ASIC2: variants seen among roughly 807,000 people sequenced by gnomAD.
ASIC2 encodes the protein acid-sensing ion channel 2.
Under a neutral mutation model 57.3 loss-of-function variants are expected in ASIC2, and 25 were observed. That is an observed-to-expected ratio of 0.44 (90% CI 0.32 to 0.61). The LOEUF (loss-of-function observed/expected upper bound fraction) is 0.61. Ranked by LOEUF, ASIC2 falls within the 20% of genes least tolerant of loss-of-function variation. ASIC2 has a pLI of 0.06. For missense variants in ASIC2, 641 were observed against 738.1 expected (o/e 0.87, Z 1.52); for synonymous variants, 319 against 307.5 (o/e 1.04, Z -0.39).
intron 1 of ASIC2, among the ~76,000 whole-genome samples, chr17:34,093,330 T>C (rs1348482068): frequency 6.6e-6 from 1 of 152,194 alleles, no homozygotes; most frequent in Non-Finnish European, 1.5e-5. Context: ...CTTGTTTCCC[T>C]GAACTGGTTT....
At chr17:33,675,440 G>A (rs1206573807) in intron 1 of ASIC2, among the ~76,000 whole-genome samples, 10 of 152,224 alleles carry the variant, frequency 6.6e-5, no homozygotes, top group Non-Finnish European at 1.5e-4. Context: ...AAGGAATCAT[G>A]AGCTTAAGCA....
chr17:33,658,304 C>T (rs1907139670), intron 1 of ASIC2, among the ~76,000 whole-genome samples: 1 of 152,222 alleles, frequency 6.6e-6, no homozygotes, highest in Non-Finnish European at 1.5e-5. Context: ...GCATAGGAAT[C>T]CAAATTCCTT....
At chr17:33,527,159 T>A (rs1367233061) in intron 1 of ASIC2, among the ~76,000 whole-genome samples, 1 of 152,184 alleles carries the variant, frequency 6.6e-6, no homozygotes, top group Non-Finnish European at 1.5e-5. Context: ...GGAGAAATAC[T>A]GTTCTTCTTC....
intron 1 of ASIC2, among the ~76,000 whole-genome samples, chr17:33,602,767 A>G (rs1323241410): frequency 6.6e-6 from 1 of 152,132 alleles, no homozygotes; most frequent in Non-Finnish European, 1.5e-5. Flanking sequence ...TGGTCCTTAT[A>G]CCTGGGTGTG....
chr17:33,325,055 C>T (rs1202899156), intron 1 of ASIC2, among the ~76,000 whole-genome samples: 1 of 152,212 alleles, frequency 6.6e-6, no homozygotes, highest in Non-Finnish European at 1.5e-5. Context: ...GCCTGACATG[C>T]TTTCCATCAT....
At chr17:33,305,902 C>T (rs1369472170) in intron 1 of ASIC2, among the ~76,000 whole-genome samples, 1 of 152,122 alleles carries the variant, frequency 6.6e-6, no homozygotes, top group Non-Finnish European at 1.5e-5. Context: ...CAGCAATCAC[C>T]ATAGATAAAA....
chr17:33,799,408 TTTC>T (rs1567718951), intron 1 of ASIC2, among the ~76,000 whole-genome samples: 272 of 63,012 alleles, frequency 4.3e-3, no homozygotes, highest in East Asian at 0.011. Context: ...CTTTCTTTTC[TTTC>T]TTTCTTTCTT....
intron 1 of ASIC2, among the ~76,000 whole-genome samples, chr17:33,739,957 GAGAAAGAAAAGA>G (rs1313520283): frequency 1.8e-5 from 2 of 110,002 alleles, no homozygotes; most frequent in Non-Finnish European, 4.3e-5. Flanking sequence ...AAAGAAAAAA[GAGAAAGAAAAGA>G]AGAAAGAAAG....
At chr17:33,567,738 C>A (rs913111882) in intron 1 of ASIC2, among the ~76,000 whole-genome samples, 3 of 152,048 alleles carry the variant, frequency 2.0e-5, no homozygotes, top group Admixed American at 2.0e-4. Context: ...GAGATGGGAA[C>A]AAGTGGGGGA....
chr17:33,114,871 A>G (rs978203521), intron 1 of ASIC2, among the ~76,000 whole-genome samples: 1 of 152,194 alleles, frequency 6.6e-6, no homozygotes, highest in African/African-American at 2.4e-5. Flanking sequence ...AGCCTCTCTC[A>G]GTTTTTCCAC....
chr17:33,418,360 T>C (rs190845905), intron 1 of ASIC2, among the ~76,000 whole-genome samples: 3 of 151,820 alleles, frequency 2.0e-5, no homozygotes, highest in Admixed American at 6.5e-5. Flanking sequence ...AAAGTTGTGC[T>C]CCCTGTTAAA....
intron 3 of ASIC2, among the ~76,000 whole-genome samples, chr17:33,038,664 C>A (rs989008826): frequency 6.6e-6 from 1 of 152,218 alleles, no homozygotes; most frequent in Non-Finnish European, 1.5e-5. Flanking sequence ...GAATGCAGAA[C>A]TTTTGTGATT....
Position 33,594,729 on chromosome 17 carries a change from G to A in ASIC2, c.556-482662C>T, listed in dbSNP as rs577374909. On this transcript the variant is annotated intron_variant, in intron 1 of 9. Transcript: ENST00000359872. ...TGTAGTCCCAGCTACTCGGGAGGCC[G>A]AGGCAGGAGAATGACGTGAACCCGG... is the stretch of plus-strand genomic sequence containing the variant. Among the ~76,000 whole-genome samples the A allele has an allele frequency of 1.2e-4, 18 of 152,080 alleles. No individual in the cohort carries two copies. The East Asian group carries it at 1.9e-3, about 16-fold the overall frequency.
chr17:33,380,339 A>G (rs1278336193), intron 1 of ASIC2, among the ~76,000 whole-genome samples: 3 of 151,726 alleles, frequency 2.0e-5, no homozygotes, highest in Non-Finnish European at 4.4e-5. Flanking sequence ...TATCATGTAC[A>G]TGATGATGAT....
At chr17:33,195,205 G>A (rs1906575384) in intron 1 of ASIC2, among the ~76,000 whole-genome samples, 1 of 152,170 alleles carries the variant, frequency 6.6e-6, no homozygotes, top group Admixed American at 6.5e-5. Context: ...CTGGCACAAA[G>A]CAGCCAGCAC....
At chr17:33,774,760 C>G (rs1410631507) in intron 1 of ASIC2, among the ~76,000 whole-genome samples, 1 of 152,142 alleles carries the variant, frequency 6.6e-6, no homozygotes. Flanking sequence ...GAAATGGAGT[C>G]TGAATATTGT....
chr17:33,408,939 C>A (rs140810267), intron 1 of ASIC2, among the ~76,000 whole-genome samples: 1 of 152,148 alleles, frequency 6.6e-6, no homozygotes, highest in Non-Finnish European at 1.5e-5. Context: ...CCTGGCTGGG[C>A]GTGATGGCCC....
intron 1 of ASIC2, among the ~76,000 whole-genome samples, chr17:33,453,763 T>C (rs779083969): frequency 6.6e-6 from 1 of 152,192 alleles, no homozygotes; most frequent in Non-Finnish European, 1.5e-5. Flanking sequence ...ACTTTGTTTC[T>C]TTGCTCCTTT....
intron 1 of ASIC2, among the ~76,000 whole-genome samples, chr17:33,277,185 G>A (rs150358776): frequency 2.6e-5 from 4 of 152,320 alleles, no homozygotes; most frequent in Non-Finnish European, 5.9e-5. Flanking sequence ...CCAAGCCAAG[G>A]ATTCAATTCC....
Sources: allele counts gnomAD v4.1 joint callset (sites outside exome capture counted in the v4.1 genomes callset), GRCh38; gene constraint gnomAD v4.1.1; transcripts MANE v1.5; gene names NCBI Gene and HGNC (gene_info 2026-07-23, HGNC 2026-07-21).